Variants in GLIS3 observed in about 807,000 individuals in gnomAD.
The protein encoded by GLIS3 is zinc finger protein GLIS3.
A neutral mutation model predicts 78.6 loss-of-function variants in GLIS3; 53 were observed. The observed-to-expected ratio is 0.67, with a 90% CI of 0.54 to 0.85. The LOEUF is 0.85. GLIS3 is among the 40% of genes least tolerant of loss of function. The probability of loss-of-function intolerance (pLI) is 0.00; values close to 1 mark genes in which losing one functional copy is unlikely to be tolerated. For missense variants in GLIS3, 1,703 were observed against 1,231.1 expected, an observed-to-expected ratio of 1.38 and a Z score of -5.74; for synonymous variants, 684 against 509.9, an observed-to-expected ratio of 1.34 and a Z score of -4.60.
chr9:4,339,949 G>C (rs991871794), intron 2 of GLIS3, among the ~76,000 whole-genome samples: 1 of 148,436 alleles, frequency 6.7e-6, no homozygotes, highest in South Asian at 2.2e-4. Flanking sequence ...TAGTTTCCTA[G>C]AGTGAACTTA....
chr9:4,337,041 G>A (rs1817766218), intron 2 of GLIS3, among the ~76,000 whole-genome samples: 2 of 152,184 alleles, frequency 1.3e-5, no homozygotes, highest in South Asian at 4.1e-4. Context: ...GCACTAAAAT[G>A]AGATACTACT....
intron 2 of GLIS3, among the ~76,000 whole-genome samples, chr9:4,337,516 G>A (rs192098722): frequency 3.2e-4 from 48 of 152,254 alleles, no homozygotes; most frequent in South Asian, 6.2e-4. Context: ...ACATTTCTAT[G>A]TACTCTACAA....
At chr9:4,137,529 C>G (rs1288618964) in intron 2 of GLIS3, among the ~76,000 whole-genome samples, 1 of 152,158 alleles carries the variant, frequency 6.6e-6, no homozygotes, top group African/African-American at 2.4e-5. Context: ...ACTCAGTGCC[C>G]TGGATTCCTG....
the GLIS3 span, among the ~76,000 whole-genome samples, chr9:4,485,064 G>T: frequency 6.6e-6 from 1 of 151,818 alleles, no homozygotes; most frequent in African/African-American, 2.4e-5. Context: ...GACCAGGCTG[G>T]AGTGCAGTGG....
chr9:4,336,696 A>G (rs1213895373), intron 2 of GLIS3, among the ~76,000 whole-genome samples: 1 of 152,192 alleles, frequency 6.6e-6, no homozygotes. Flanking sequence ...CCTCAAAACT[A>G]TCACTTATGG....
chr9:4,277,615 ATAAC>A (rs1244751775), intron 2 of GLIS3, among the ~76,000 whole-genome samples: 1 of 152,218 alleles, frequency 6.6e-6, no homozygotes, highest in Non-Finnish European at 1.5e-5. Context: ...ACGCTAATGA[ATAAC>A]TAACTCCCTT....
At position 4,237,954 on chromosome 9, in the gene GLIS3, G is replaced by A. The variant is rs1234303591; in HGVS notation, c.388+48084C>T. Among the ~76,000 whole-genome samples the A allele has an allele frequency of 2.6e-5, 4 of 152,104 alleles. No homozygotes were observed. In the East Asian group the frequency reaches 7.7e-4, roughly 29 times the overall value. On this transcript the variant is annotated intron_variant, in intron 2 of 10. Coordinates refer to ENST00000381971, the MANE Select transcript of GLIS3 (RefSeq NM_001042413.2). ...AAGGGACAAGATGAATCCTTTCCAT[G>A]TTCCCCTTATTCTCCCTTTGAGCAG...
In GLIS3 at chr9:3,856,108, T is replaced by C. The variant is rs867985925; in HGVS notation, c.2374A>G (p.Thr792Ala). The C allele has an allele frequency of 1.9e-6, 3 of 1,614,196 alleles. No homozygotes were observed. Among genetic ancestry groups the C allele is most frequent in the Middle Eastern group, 3.3e-4 (2 of 6,062 alleles). ...VPAPSSILQR[T>A]QPPYTQQPSG... ...GGCTGCTGGGTATAGGGAGGCTGTG[T>C]TCTTTGCAGTATTGAAGAAGGAGCT... is the stretch of plus-strand genomic sequence containing the variant. Residue 792 changes from threonine (T) to alanine (A), a missense_variant, in exon 9 of 11, where the codon ACA (threonine) becomes GCA (alanine). Physicochemically the swap from Thr to Ala is moderately conservative, Grantham distance 58. Coordinates refer to ENST00000381971, the MANE Select transcript of GLIS3 (RefSeq NM_001042413.2).
intron 4 of GLIS3, among the ~76,000 whole-genome samples, chr9:3,961,522 G>C (rs149946455): frequency 8.5e-5 from 13 of 152,196 alleles, no homozygotes; most frequent in South Asian, 6.2e-4. Flanking sequence ...TTCGTTGAAA[G>C]TTTCTTGATT....
intron 2 of GLIS3, among the ~76,000 whole-genome samples, chr9:4,316,250 C>T (rs1817434969): frequency 6.6e-6 from 1 of 152,318 alleles, no homozygotes; most frequent in South Asian, 2.1e-4. Context: ...CATCTAGCTA[C>T]CTTTGCAAAT....
the GLIS3 span, among the ~76,000 whole-genome samples, chr9:4,365,043 C>A: frequency 6.6e-6 from 1 of 152,124 alleles, no homozygotes; most frequent in Non-Finnish European, 1.5e-5. Flanking sequence ...AGTCCATGCT[C>A]TTTCAAGACA....
At chr9:4,191,832 T>C (rs1818359750) in intron 2 of GLIS3, among the ~76,000 whole-genome samples, 1 of 152,090 alleles carries the variant, frequency 6.6e-6, no homozygotes, top group Non-Finnish European at 1.5e-5. Context: ...ATATGAAAAA[T>C]ACTGATGAAT....
chr9:3,990,086 G>C (rs761420891), intron 4 of GLIS3, among the ~76,000 whole-genome samples: 8 of 152,180 alleles, frequency 5.3e-5, no homozygotes, highest in Non-Finnish European at 1.2e-4. Context: ...GTCACAATGT[G>C]AATGAAGAAA....
At chr9:3,829,208 G>T in intron 10 of GLIS3, 102 bp downstream of exon 10, 1 of 949,168 alleles carries the variant, frequency 1.1e-6, no homozygotes. Context: ...ATTTGATGCG[G>T]TCATGTGCTT....
intron 2 of GLIS3, among the ~76,000 whole-genome samples, chr9:4,245,211 T>C (rs1342397775): frequency 2.0e-5 from 3 of 152,240 alleles, no homozygotes; most frequent in African/African-American, 4.8e-5. Flanking sequence ...AGGGATTCTA[T>C]TGTTTTTGTA....
chr9:4,012,362 T>C lies in GLIS3; in HGVS notation c.1711-75173A>G, dbSNP rs77411638. Among the ~76,000 whole-genome samples, 85 of 152,258 alleles carry C rather than the reference T, an allele frequency of 5.6e-4. No individual in the cohort carries two copies. In the East Asian group the frequency reaches 0.016, roughly 29 times the overall value. On this transcript the variant is annotated intron_variant, in intron 4 of 10. Coordinates refer to ENST00000381971, the MANE Select transcript of GLIS3 (RefSeq NM_001042413.2). The stretch of plus-strand genomic sequence containing the variant: ...GTCAATGTACATTTTGAAGAACCAA[T>C]ATAGAACATCTAGCAAACCAGATTC...
the GLIS3 span, among the ~76,000 whole-genome samples, chr9:4,477,550 G>T: frequency 3.3e-5 from 5 of 152,072 alleles, no homozygotes; most frequent in Non-Finnish European, 5.9e-5. Context: ...GAGTAGCTGG[G>T]ACTGCAGATG....
At chr9:4,157,833 T>C (rs1835151169) in intron 2 of GLIS3, among the ~76,000 whole-genome samples, 1 of 152,244 alleles carries the variant, frequency 6.6e-6, no homozygotes, top group South Asian at 2.1e-4. Flanking sequence ...GGAGCCTTTA[T>C]GTGCAGTTAA....
chr9:3,922,566 C>T (rs1357531320), intron 6 of GLIS3, among the ~76,000 whole-genome samples: 1 of 151,890 alleles, frequency 6.6e-6, no homozygotes, highest in Non-Finnish European at 1.5e-5. Context: ...ATTTTTTCTA[C>T]AGGAGGGAGT....
Sources: gnomAD v4.1 joint callset for allele counts (sites outside exome capture counted in the v4.1 genomes callset) on GRCh38, gnomAD v4.1.1 for gene constraint, MANE v1.5 for transcripts, NCBI Gene and HGNC (gene_info 2026-07-23, HGNC 2026-07-21) for gene names.